SGIP1: variants seen among roughly 807,000 people sequenced by gnomAD.
SGIP1 encodes SH3-containing GRB2-like protein 3-interacting protein 1.
In SGIP1, 38 loss-of-function variants were observed where a neutral mutation model predicts 107.5. The observed-to-expected ratio is 0.35, with a 90% CI of 0.27 to 0.46. The LOEUF is 0.46. SGIP1 is among the 20% of genes least tolerant of loss of function. The probability of loss-of-function intolerance (pLI) is 1.00; values close to 1 mark genes in which losing one functional copy is unlikely to be tolerated. For missense variants in SGIP1, 929 were observed against 1,019.5 expected, an observed-to-expected ratio of 0.91 and a Z score of 1.21; for synonymous variants, 365 against 366.1, an observed-to-expected ratio of 1.00 and a Z score of 0.03.
At chr1:66,701,246 T>C (rs1329181201) in intron 18 of SGIP1, among the ~76,000 whole-genome samples, 3 of 152,226 alleles carry the variant, frequency 2.0e-5, no homozygotes, top group Non-Finnish European at 4.4e-5. Flanking sequence ...TGACCAATTT[T>C]CTGGGGAGCA....
In SGIP1 at chr1:66,614,978, C is replaced by T. The variant is rs563525565; in HGVS notation, c.11-10869C>T. Among the ~76,000 whole-genome samples, 28 of 151,870 alleles carry T rather than the reference C, an allele frequency of 1.8e-4. No individual in the cohort carries two copies. In the South Asian group the frequency reaches 4.8e-3, roughly 26 times the overall value. ...GGGATTACAGGCATGTGCCACCACG[C>T]CCGGCTAATTTTGTATTTTTTTAGT... On this transcript the variant is annotated intron_variant, in intron 1 of 24. Transcript: ENST00000371037.
chr1:66,700,370 C>CA (rs34109375), intron 18 of SGIP1, among the ~76,000 whole-genome samples: 36,255 of 82,674 alleles, frequency 0.44, 7,220 homozygotes, highest in East Asian at 0.7. Flanking sequence ...GACTCCATCT[C>CA]AAAAAAAAAA....
At chr1:66,630,943 GAGAGAAAGAA>G (rs1041561138) in intron 2 of SGIP1, among the ~76,000 whole-genome samples, 1 of 103,610 alleles carries the variant, frequency 9.7e-6, no homozygotes, top group Non-Finnish European at 1.9e-5. Flanking sequence ...AGGAAAGAAA[GAGAGAAAGAA>G]AGAGAAAGAA....
intron 1 of SGIP1, among the ~76,000 whole-genome samples, chr1:66,619,351 G>A (rs2070322650): frequency 1.3e-5 from 2 of 152,224 alleles, no homozygotes; most frequent in Non-Finnish European, 2.9e-5. Context: ...AAGACTATGA[G>A]GTGAGTAAGG....
At chr1:66,728,076 G>A (rs888747606) in intron 19 of SGIP1, among the ~76,000 whole-genome samples, 2 of 151,936 alleles carry the variant, frequency 1.3e-5, no homozygotes, top group South Asian at 2.1e-4. Context: ...TTCCTTCCAC[G>A]CTATCATCCC....
intron 7 of SGIP1, among the ~76,000 whole-genome samples, chr1:66,649,135 A>G (rs2078227984): frequency 6.6e-6 from 1 of 152,214 alleles, no homozygotes; most frequent in African/African-American, 2.4e-5. Context: ...GTTAAAATGT[A>G]TCTACATCTC....
Position 66,671,814 on chromosome 1 carries a change from T to C in SGIP1, c.509-130T>C, listed in dbSNP as rs2083890718. On this transcript the variant is annotated intron_variant, in intron 10 of 24. Coordinates refer to ENST00000371037, the MANE Select transcript of SGIP1 (RefSeq NM_032291.4). The stretch of plus-strand genomic sequence containing the variant: ...GCATTGCCAGGGGAGAAGGTTTGTT[T>C]TGCAAAGTTTTCATACTGAGTTGCT... 7.4e-6 allele frequency: 6 copies of C among 808,328 alleles called. No homozygotes were observed. The South Asian group carries it at 1.0e-4, about 14-fold the overall frequency. The allele number at this position is 808,328 out of a possible 1,614,324, so 50.1% of individuals were successfully genotyped here.
chr1:66,708,643 T>A (rs1408249136), intron 18 of SGIP1, among the ~76,000 whole-genome samples: 1 of 152,184 alleles, frequency 6.6e-6, no homozygotes, highest in Non-Finnish European at 1.5e-5. Flanking sequence ...AGGAAGTTAA[T>A]TCAATTGGGC....
Position 66,681,952 on chromosome 1 carries a change from T to C in SGIP1, c.898T>C (p.Ser300Pro), listed in dbSNP as rs1239668149. The C allele has an allele frequency of 7.4e-6, 12 of 1,614,182 alleles. No homozygotes were observed. The East Asian group carries it at 2.2e-4, about 30-fold the overall frequency. The change falls in exon 15 of 25, where the codon TCC becomes CCC. Residue 300 changes from serine to proline, a missense_variant. Ser to Pro is a moderately conservative substitution (Grantham distance 74). Around this residue, in one of 2 missense-constraint regions of SGIP1, gnomAD observed 588 missense variants for 588.6 expected, o/e 1.00. Transcript: ENST00000371037. ...GGACAGCATTTTTGGGCCAGTATTG[T>C]CCCCCAAGTCTGTTGCTGTTAATGC... ...DLDSIFGPVL[S>P]PKSVAVNAEE...
At chr1:66,684,182 A>T (rs1469273831) in intron 15 of SGIP1, 1 of 1,550,592 alleles carries the variant, frequency 6.4e-7, no homozygotes, top group Middle Eastern at 1.7e-4. Flanking sequence ...CTGGATTCAT[A>T]CTCAGGTCTG....
intron 1 of SGIP1, among the ~76,000 whole-genome samples, chr1:66,589,360 A>C (rs1336644798): frequency 9.3e-6 from 1 of 107,006 alleles, no homozygotes; most frequent in Non-Finnish European, 2.1e-5. Context: ...ATTTGGGCAC[A>C]AAAAAAAAAA....
intron 1 of SGIP1, among the ~76,000 whole-genome samples, chr1:66,608,289 C>T (rs979747126): frequency 1.3e-5 from 2 of 152,212 alleles, no homozygotes; most frequent in Non-Finnish European, 2.9e-5. Context: ...GCTAGCTCTT[C>T]TTATTTCACA....
chr1:66,683,745 G>C (rs1343567705), intron 15 of SGIP1, among the ~76,000 whole-genome samples: 1 of 86,990 alleles, frequency 1.1e-5, no homozygotes, highest in Non-Finnish European at 2.0e-5. Flanking sequence ...GTCTTGCTCT[G>C]ATGCCCAGGC....
rs143651220 is a variant in SGIP1, at chr1:66,698,625, G to A, written c.1630+3132G>A. On this transcript the variant is annotated intron_variant, in intron 18 of 24. Transcript: ENST00000371037. ...GATCTCCTGATCTTGTGATCCACCC[G>A]CCTCGGCCTCCCAAAGTACTGGGAT... Among the ~76,000 whole-genome samples, 449 of 152,092 alleles carry A rather than the reference G, an allele frequency of 3.0e-3. 2 individuals carry two copies. The highest frequency in any genetic ancestry group is 0.01 in the African/African-American group (426 of 41,486).
rs191974462 is a variant in SGIP1 at position 66,686,359 on chromosome 1, G to A, written c.1316-2789G>A. Among the ~76,000 whole-genome samples, 6 of 152,312 alleles carry A rather than the reference G, an allele frequency of 3.9e-5. No individual in the cohort carries two copies. In the East Asian group the frequency reaches 5.8e-4, roughly 15 times the overall value. On this transcript the variant is annotated intron_variant, in intron 15 of 24. Transcript: ENST00000371037. ...CAAATGGATTGAGAGCATGTCAATC[G>A]TTGCCAACCTTTTTTAACTCACAAA...
At chr1:66,652,249 GAA>G (rs148263592) in intron 7 of SGIP1, among the ~76,000 whole-genome samples, 9,441 of 152,172 alleles carry the variant, frequency 0.062, 899 homozygotes, top group African/African-American at 0.21. Flanking sequence ...CTGTCTCCCA[GAA>G]AAGGTGCCAT....
At chr1:66,697,448 G>A (rs1056568597) in intron 18 of SGIP1, among the ~76,000 whole-genome samples, 1 of 152,124 alleles carries the variant, frequency 6.6e-6, no homozygotes, top group African/African-American at 2.4e-5. Flanking sequence ...CTCTAGTACT[G>A]TATTATCTTA....
intron 1 of SGIP1, among the ~76,000 whole-genome samples, chr1:66,597,529 G>C (rs2064957762): frequency 6.6e-6 from 1 of 152,140 alleles, no homozygotes; most frequent in Non-Finnish European, 1.5e-5. Context: ...GCCAGAGATG[G>C]CAAACATGCA....
intron 19 of SGIP1, among the ~76,000 whole-genome samples, chr1:66,727,842 A>T (rs1021552073): frequency 6.6e-6 from 1 of 152,174 alleles, no homozygotes; most frequent in African/African-American, 2.4e-5. Flanking sequence ...AAGCATATTA[A>T]CTCTTGCCTA....
Sources: allele counts gnomAD v4.1 joint callset (sites outside exome capture counted in the v4.1 genomes callset), GRCh38; gene constraint gnomAD v4.1.1; regional missense constraint gnomAD v4.1.1; transcripts MANE v1.5; gene names NCBI Gene and HGNC (gene_info 2026-07-23, HGNC 2026-07-21).